The following TENM4 variants were observed in gnomAD, a reference collection of about 807,000 sequenced individuals.
TENM4 encodes teneurin-4.
A neutral mutation model predicts 243.3 loss-of-function variants in TENM4; 82 were observed. The ratio of observed to expected loss-of-function variants is 0.34; its 90% CI spans 0.28 to 0.40. TENM4 has a LOEUF of 0.40. Among genes scored for constraint, TENM4 ranks in the 10% least tolerant of loss-of-function variants. The pLI, the probability that TENM4 is intolerant of heterozygous loss-of-function variation, is 1.00. For missense variants in TENM4, 3,138 were observed against 3,673.3 expected, an observed-to-expected ratio of 0.85 and a Z score of 3.77; for synonymous variants, 1,412 against 1,456.3, an observed-to-expected ratio of 0.97 and a Z score of 0.69.
intron 6 of TENM4, among the ~76,000 whole-genome samples, chr11:78,940,107 T>C (rs763322315): frequency 3.3e-5 from 5 of 152,082 alleles, no homozygotes; most frequent in Admixed American, 2.0e-4. Flanking sequence ...CTGGTATATA[T>C]ACATTTCCTC....
intron 32 of TENM4, among the ~76,000 whole-genome samples, chr11:78,667,476 T>C (rs1565321842): frequency 6.6e-6 from 1 of 152,174 alleles, no homozygotes; most frequent in Non-Finnish European, 1.5e-5. Flanking sequence ...CTCTCTGCAA[T>C]GCCTTTCTCC....
At chr11:78,847,108 G>A (rs937117184) in intron 12 of TENM4, among the ~76,000 whole-genome samples, 1 of 152,190 alleles carries the variant, frequency 6.6e-6, no homozygotes, top group South Asian at 2.1e-4. Flanking sequence ...TTATGACCAT[G>A]AGGTAGCAAG....
intron 2 of TENM4, among the ~76,000 whole-genome samples, chr11:79,231,334 A>G (rs1371139222): frequency 6.6e-6 from 1 of 152,210 alleles, no homozygotes; most frequent in Non-Finnish European, 1.5e-5. Context: ...TAGTAATCAA[A>G]GAAATACAAA....
At chr11:78,768,806 C>G (rs1459341518) in intron 18 of TENM4, among the ~76,000 whole-genome samples, 1 of 152,136 alleles carries the variant, frequency 6.6e-6, no homozygotes, top group African/African-American at 2.4e-5. Context: ...ATGACAAGAA[C>G]CTCTCTCTCC....
chr11:78,803,644 G>A (rs928357047), intron 15 of TENM4, among the ~76,000 whole-genome samples: 4 of 152,130 alleles, frequency 2.6e-5, no homozygotes, highest in African/African-American at 7.2e-5. Context: ...CTAATAGTTC[G>A]GTTGTTTCCG....
chr11:79,333,257 T>TCCAC (rs1169841394), intron 1 of TENM4, among the ~76,000 whole-genome samples: 1 of 151,680 alleles, frequency 6.6e-6, no homozygotes, highest in Non-Finnish European at 1.5e-5. Context: ...TATCCATCCA[T>TCCAC]CCATCCAACC....
intron 6 of TENM4, among the ~76,000 whole-genome samples, chr11:78,972,421 G>A (rs759129530): frequency 1.1e-4 from 16 of 152,126 alleles, no homozygotes; most frequent in Admixed American, 3.3e-4. Flanking sequence ...TCTCAGGCTC[G>A]TCATTTGATC....
At chr11:79,314,760 T>C (rs1166428963) in intron 1 of TENM4, among the ~76,000 whole-genome samples, 3 of 152,334 alleles carry the variant, frequency 2.0e-5, no homozygotes, top group East Asian at 1.9e-4. Flanking sequence ...CATATACTCA[T>C]GGAGCTCACA....
chr11:79,169,004 A>G (rs1862982061), intron 3 of TENM4, among the ~76,000 whole-genome samples: 1 of 152,154 alleles, frequency 6.6e-6, no homozygotes, highest in Non-Finnish European at 1.5e-5. Context: ...CAGCTGATCC[A>G]CCAGCTGACC....
intron 3 of TENM4, among the ~76,000 whole-genome samples, chr11:79,190,791 CTCTCCCTCTCCCTCTCCCG>C (rs1565242244): frequency 1.0e-5 from 1 of 99,930 alleles, no homozygotes; most frequent in African/African-American, 4.8e-5. Flanking sequence ...TCCCGTCTCC[CTCTCCCTCTCCCTCTCCCG>C]TCTCCCTCTC....
chr11:79,219,101 G>A (rs1864110956), intron 2 of TENM4, among the ~76,000 whole-genome samples: 1 of 152,224 alleles, frequency 6.6e-6, no homozygotes. Context: ...CGCCATGGCT[G>A]ACAAATCATG....
At chr11:78,806,298 T>TA (rs1181142078) in intron 14 of TENM4, among the ~76,000 whole-genome samples, 2 of 151,720 alleles carry the variant, frequency 1.3e-5, no homozygotes, top group African/African-American at 4.9e-5. Flanking sequence ...ACTCTGTCTC[T>TA]AAAAAACAAA....
rs141678503 is a variant in TENM4 at position 79,382,695 on chromosome 11, A to G, written c.-321+57814T>C. On this transcript the variant is annotated intron_variant, in intron 1 of 33. Transcript: ENST00000278550. ...AGGGAGGGGGAGGAGGACACTGGGG[A>G]AGGGGTGCTACCGTGAGATTTGTTT... Among the ~76,000 whole-genome samples, 391 of 152,044 alleles carry G rather than the reference A, an allele frequency of 2.6e-3. 2 individuals are homozygous for G. Among genetic ancestry groups the G allele is most frequent in the African/African-American group, 8.8e-3 (364 of 41,512 alleles).
intron 6 of TENM4, among the ~76,000 whole-genome samples, chr11:79,031,996 A>C (rs943127055): frequency 6.6e-6 from 1 of 152,140 alleles, no homozygotes; most frequent in African/African-American, 2.4e-5. Context: ...AGGGTTGAAA[A>C]GCCCTTTTCT....
chr11:78,945,916 T>C (rs1856994613), intron 6 of TENM4, among the ~76,000 whole-genome samples: 1 of 152,110 alleles, frequency 6.6e-6, no homozygotes, highest in South Asian at 2.1e-4. Context: ...CTAAGAAAAG[T>C]TTCAAGCAAG....
chr11:79,309,559 G>A (rs1333343029), intron 1 of TENM4, among the ~76,000 whole-genome samples: 1 of 152,224 alleles, frequency 6.6e-6, no homozygotes, highest in African/African-American at 2.4e-5. Flanking sequence ...CATTCCCAGG[G>A]TGTGTACTGT....
At chr11:79,129,413 C>T (rs1204763530) in intron 4 of TENM4, among the ~76,000 whole-genome samples, 1 of 152,190 alleles carries the variant, frequency 6.6e-6, no homozygotes, top group Non-Finnish European at 1.5e-5. Flanking sequence ...GGTGTGCAGA[C>T]TCCACAGGCG....
chr11:78,782,729 G>A (rs11237620), intron 16 of TENM4, among the ~76,000 whole-genome samples: 2,617 of 151,674 alleles, frequency 0.017, 38 homozygotes, highest in Middle Eastern at 0.034. Flanking sequence ...TGGTGCCACT[G>A]TACTCCAGCA....
intron 28 of TENM4, among the ~76,000 whole-genome samples, chr11:78,698,198 T>C (rs1433208191): frequency 6.6e-6 from 1 of 152,072 alleles, no homozygotes; most frequent in Non-Finnish European, 1.5e-5. Context: ...GGTCAGGAGT[T>C]TGAGACCAGC....
Sources: allele counts gnomAD v4.1 joint callset (sites outside exome capture counted in the v4.1 genomes callset), GRCh38; gene constraint gnomAD v4.1.1; transcripts MANE v1.5; gene names NCBI Gene and HGNC (gene_info 2026-07-23, HGNC 2026-07-21).